NEDD4L: variants seen among roughly 807,000 people sequenced by gnomAD.
NEDD4L encodes NEDD4 like E3 ubiquitin protein ligase, also known as E3 ubiquitin-protein ligase NEDD4-like.
A neutral mutation model predicts 148.9 loss-of-function variants in NEDD4L; 54 were observed. The ratio of observed to expected loss-of-function variants is 0.36; its 90% CI spans 0.29 to 0.45. The LOEUF (loss-of-function observed/expected upper bound fraction) is 0.45, where lower values mean the gene tolerates loss of function less well. Among genes scored for constraint, NEDD4L ranks in the 20% least tolerant of loss-of-function variants. The pLI is 1.00. For synonymous variants in NEDD4L, 433 were observed against 440.7 expected (o/e 0.98, Z 0.22); for missense variants, 856 against 1,233.8 (o/e 0.69, Z 4.59).
Position 58,397,945 on chromosome 18 carries a change from C to T in NEDD4L, c.*1676C>T, listed in dbSNP as rs760938346. 1 of 152,142 alleles carries T rather than the reference C, an allele frequency of 6.6e-6. No individual in the cohort carries two copies. Among genetic ancestry groups the T allele is most frequent in the African/African-American group, 2.4e-5 (1 of 41,236 alleles). The allele number at this position is 152,142 out of a possible 1,614,324, so 9.4% of individuals were successfully genotyped here. On this transcript the variant is annotated 3_prime_UTR_variant, in exon 31 of 31. Coordinates refer to ENST00000400345, the MANE Select transcript of NEDD4L (RefSeq NM_001144967.3). ...GGTCTGTTTGTTACATAAAAAGGAC[C>T]TTTCGGTGTAAGAAATTGCCGTTTT...
intron 13 of NEDD4L, among the ~76,000 whole-genome samples, chr18:58,337,788 G>C (rs1355713340): frequency 6.6e-6 from 1 of 152,158 alleles, no homozygotes; most frequent in Non-Finnish European, 1.5e-5. Flanking sequence ...TCCTGATATA[G>C]CTTTCTTTCT....
chr18:58,347,205 G>GCCCCCCCCCCCCCCCCCCC lies in NEDD4L; in HGVS notation c.1576-2324_1576-2323insCCCCCCCCCCCCCCCCCCC, dbSNP rs138430099. 9.6e-4 allele frequency among the ~76,000 whole-genome samples: 38 copies of GCCCCCCCCCCCCCCCCCCC among 39,558 alleles called. 3 individuals are homozygous for GCCCCCCCCCCCCCCCCCCC. Among genetic ancestry groups the GCCCCCCCCCCCCCCCCCCC allele is most frequent in the Non-Finnish European group, 1.1e-3 (25 of 21,954 alleles). The allele number at this position is 39,558 out of a possible 152,430, so 26.0% of individuals were successfully genotyped here. ...AATTTCAGCTTCTTTTCACGCTACG[G>GCCCCCCCCCCCCCCCCCCC]CCCCCCCCGCCCCCCCCCCCCCTTT... On this transcript the variant is annotated intron_variant, in intron 16 of 30. Transcript: ENST00000400345.
chr18:58,226,798 G>A (rs1211146799), intron 2 of NEDD4L, among the ~76,000 whole-genome samples: 1 of 151,992 alleles, frequency 6.6e-6, no homozygotes, highest in African/African-American at 2.4e-5. Context: ...GTTGTTTTTA[G>A]TTGCACATGG....
intron 1 of NEDD4L, among the ~76,000 whole-genome samples, chr18:58,147,522 T>G (rs1014869142): frequency 6.6e-6 from 1 of 152,204 alleles, no homozygotes; most frequent in African/African-American, 2.4e-5. Flanking sequence ...TTGTTCTCTT[T>G]CCAAAGCTTC....
chr18:58,229,451 C>G (rs1382885571), intron 2 of NEDD4L, among the ~76,000 whole-genome samples: 1 of 152,170 alleles, frequency 6.6e-6, no homozygotes, highest in East Asian at 1.9e-4. Flanking sequence ...ATTTTGTCCC[C>G]TAATAACCTA....
chr18:58,046,226 CAGT>C (rs1194157997), intron 1 of NEDD4L: 7 of 152,134 alleles, frequency 4.6e-5, no homozygotes, highest in African/African-American at 1.4e-4. Context: ...GGATAGGTGA[CAGT>C]AGCATTGTTT....
chr18:58,206,596 A>C (rs1204401565), intron 2 of NEDD4L, among the ~76,000 whole-genome samples: 1 of 152,200 alleles, frequency 6.6e-6, no homozygotes, highest in Non-Finnish European at 1.5e-5. Flanking sequence ...GGTACAGGAG[A>C]ATTCATCTTT....
At chr18:58,090,853 G>A (rs1384153145) in intron 1 of NEDD4L, 1 of 152,180 alleles carries the variant, frequency 6.6e-6, no homozygotes, top group East Asian at 1.9e-4. Context: ...TTTTTTCATA[G>A]AAGTATGTTG....
chr18:58,376,620 G>T (rs1319983925), intron 24 of NEDD4L, among the ~76,000 whole-genome samples: 1 of 152,074 alleles, frequency 6.6e-6, no homozygotes, highest in Non-Finnish European at 1.5e-5. Context: ...CCAAGTCCAA[G>T]CTCCCATCTT....
intron 1 of NEDD4L, among the ~76,000 whole-genome samples, chr18:58,133,685 A>G (rs1427488259): frequency 6.6e-6 from 1 of 152,182 alleles, no homozygotes; most frequent in Non-Finnish European, 1.5e-5. Context: ...ACACATCATG[A>G]TGATAATGAA....
chr18:58,323,437 T>A, intron 8 of NEDD4L, 103 bp downstream of exon 8: 2 of 707,270 alleles, frequency 2.8e-6, no homozygotes, highest in Admixed American at 2.7e-5. Flanking sequence ...AAAGCTTAAA[T>A]ATAAAAAAAA....
chr18:58,249,295 G>GT (rs2047631100), intron 4 of NEDD4L, among the ~76,000 whole-genome samples: 1 of 152,086 alleles, frequency 6.6e-6, no homozygotes. Flanking sequence ...AAACAGTAGA[G>GT]GCAACATGAT....
At chr18:58,377,245 C>A (rs2047686096) in intron 24 of NEDD4L, among the ~76,000 whole-genome samples, 1 of 152,180 alleles carries the variant, frequency 6.6e-6, no homozygotes, top group Non-Finnish European at 1.5e-5. Flanking sequence ...CTCTTTGGCC[C>A]TCTGCAAAAC....
At chr18:58,382,426 G>A (rs1020647892) in intron 24 of NEDD4L, among the ~76,000 whole-genome samples, 3 of 152,226 alleles carry the variant, frequency 2.0e-5, no homozygotes, top group African/African-American at 7.2e-5. Context: ...AAGATTTAGA[G>A]GGAACCCCAC....
chr18:58,321,538 T>G (rs1475697568), intron 6 of NEDD4L, among the ~76,000 whole-genome samples: 1 of 152,200 alleles, frequency 6.6e-6, no homozygotes, highest in African/African-American at 2.4e-5. Flanking sequence ...TTCAGTTTAT[T>G]ATGAGAGGAG....
At chr18:58,164,035 CTT>C (rs34380629) in intron 1 of NEDD4L, among the ~76,000 whole-genome samples, 12 of 142,240 alleles carry the variant, frequency 8.4e-5, no homozygotes, top group Non-Finnish European at 9.2e-5. Flanking sequence ...CATCCTGAGC[CTT>C]TTTTTTTTTT....
At chr18:58,373,144 C>T in intron 23 of NEDD4L, 30 bp from the exon 24 acceptor site, 1 of 1,282,648 alleles carries the variant, frequency 7.8e-7, no homozygotes, top group Non-Finnish European at 1.1e-6. Flanking sequence ...GGAAAAAATG[C>T]TGAATTTTCA....
intron 13 of NEDD4L, among the ~76,000 whole-genome samples, chr18:58,338,345 A>C (rs1453944518): frequency 6.6e-6 from 1 of 152,208 alleles, no homozygotes; most frequent in African/African-American, 2.4e-5. Context: ...TGTCTGTAGA[A>C]GCTGAGTCCT....
At chr18:58,063,039 C>CTTTTTTTTTTTTT (rs74183235) in intron 1 of NEDD4L, among the ~76,000 whole-genome samples, 2 of 91,150 alleles carry the variant, frequency 2.2e-5, no homozygotes, top group Admixed American at 1.7e-4. Flanking sequence ...TTTATTTGTT[C>CTTTTTTTTTTTTT]TTTTTTTTTT....
Sources: gnomAD v4.1 joint callset for allele counts (sites outside exome capture counted in the v4.1 genomes callset) on GRCh38, gnomAD v4.1.1 for gene constraint, MANE v1.5 for transcripts, NCBI Gene and HGNC (gene_info 2026-07-23, HGNC 2026-07-21) for gene names.